STAT3: variants seen among roughly 807,000 people sequenced by gnomAD.
STAT3 encodes the protein signal transducer and activator of transcription 3.
STAT3 carries 7 observed loss-of-function variants against 114.3 expected under a neutral mutation model. That is an observed-to-expected ratio of 0.06 (90% CI 0.03 to 0.11). STAT3 has a LOEUF of 0.11. STAT3 is among the 10% of genes least tolerant of loss of function. The probability of loss-of-function intolerance (pLI) is 1.00; values close to 1 mark genes in which losing one functional copy is unlikely to be tolerated. For missense variants in STAT3, 364 were observed against 960.9 expected (o/e 0.38, Z 8.21); for synonymous variants, 331 against 354.5 (o/e 0.93, Z 0.74).
chr17:42,340,355 CAAA>C (rs10706259), intron 4 of STAT3, among the ~76,000 whole-genome samples: 10 of 117,038 alleles, frequency 8.5e-5, no homozygotes, highest in African/African-American at 6.1e-5. Flanking sequence ...AACTCCATCT[CAAA>C]AAAAAAAAAA....
chr17:42,366,670 C>CAA (rs34003618), intron 1 of STAT3, among the ~76,000 whole-genome samples: 24 of 57,584 alleles, frequency 4.2e-4, no homozygotes, highest in African/African-American at 1.3e-3. Flanking sequence ...GATCCTGTCT[C>CAA]AAAAAAAAAA....
chr17:42,315,490 A>G lies in STAT3; in HGVS notation c.*255T>C. ...TTTCTCCCTCTAGCCACCCCCCGCC[A>G]CATCCCCTGATCATGGGTCTCAGAG... On this transcript the variant is annotated 3_prime_UTR_variant, in exon 24 of 24. Coordinates refer to ENST00000264657, the MANE Select transcript of STAT3 (RefSeq NM_139276.3). The G allele has an allele frequency of 3.4e-6, 2 of 593,702 alleles. No individual in the cohort carries two copies. The highest frequency in any genetic ancestry group is 2.0e-5 in the South Asian group (1 of 49,954). The allele number at this position is 593,702 out of a possible 1,614,324, so 36.8% of individuals were successfully genotyped here.
chr17:42,378,323 G>A (rs1366070381), intron 1 of STAT3, among the ~76,000 whole-genome samples: 1 of 152,066 alleles, frequency 6.6e-6, no homozygotes, highest in African/African-American at 2.4e-5. Context: ...TCGACTCACT[G>A]CAACCTCTGC....
rs552998974 is a variant in STAT3 at position 42,355,785 on chromosome 17, G to A, written c.-23-7246C>T. On this transcript the variant is annotated intron_variant, in intron 1 of 23. Transcript: ENST00000264657. ...GAAACCAAAAGATATATTGAGAAAC[G>A]CAGTCAAGACCACTTACAAAAGGGA... 1.9e-4 allele frequency among the ~76,000 whole-genome samples: 29 copies of A among 152,232 alleles called. No individual in the cohort carries two copies. In the South Asian group the frequency reaches 6.0e-3, roughly 32 times the overall value.
chr17:42,331,595 G>A, intron 10 of STAT3, 64 bp from the exon 11 acceptor site: 4 of 1,350,146 alleles, frequency 3.0e-6, no homozygotes, highest in Non-Finnish European at 4.2e-6. Context: ...TTTTCTTGAA[G>A]AAATGTAAAA....
intron 4 of STAT3, among the ~76,000 whole-genome samples, chr17:42,344,162 C>T (rs2082580775): frequency 1.3e-5 from 2 of 152,172 alleles, no homozygotes; most frequent in African/African-American, 4.8e-5. Context: ...GTTGCTCACG[C>T]CTGTAATCCC....
intron 21 of STAT3, among the ~76,000 whole-genome samples, chr17:42,319,541 CAAAAAAAAAAAAAAA>C (rs552897255): frequency 9.1e-5 from 4 of 43,848 alleles, no homozygotes; most frequent in Non-Finnish European, 1.5e-4. Flanking sequence ...GACTCAGGCT[CAAAAAAAAAAAAAAA>C]AAAAAAAAAA....
chr17:42,344,442 C>T (rs950363195), intron 4 of STAT3, among the ~76,000 whole-genome samples: 2 of 132,530 alleles, frequency 1.5e-5, no homozygotes, highest in African/African-American at 2.9e-5. Flanking sequence ...AAAGGCTGGG[C>T]GTGGTGGCTC....
chr17:42,320,761 CT>C (rs1482942784), intron 21 of STAT3, among the ~76,000 whole-genome samples: 6 of 146,552 alleles, frequency 4.1e-5, no homozygotes, highest in Non-Finnish European at 9.0e-5. Context: ...CCATCATTGG[CT>C]TTATGATTAC....
At position 42,359,656 on chromosome 17, in the gene STAT3, G is replaced by A. The variant is rs375879675; in HGVS notation, c.-23-11117C>T. 1.9e-3 allele frequency among the ~76,000 whole-genome samples: 292 copies of A among 152,262 alleles called. 2 individuals carry two copies. In the South Asian group the frequency reaches 0.03, roughly 15 times the overall value. On this transcript the variant is annotated intron_variant, in intron 1 of 23. Transcript: ENST00000264657. Reference sequence around the variant, plus strand: ...TAGCACTTTTTACAAGAAGCCAGGCGCTGTTTTAAACACTTGACATACTTA... The same window carrying A: ...TAGCACTTTTTACAAGAAGCCAGGCACTGTTTTAAACACTTGACATACTTA...
intron 1 of STAT3, among the ~76,000 whole-genome samples, chr17:42,366,678 A>G (rs1399506843): frequency 6.7e-6 from 1 of 149,942 alleles, no homozygotes; most frequent in African/African-American, 2.4e-5. Flanking sequence ...CTCAAAAAAA[A>G]AAAAAAAAAA....
At position 42,381,255 on chromosome 17, in the gene STAT3, A is replaced by G. The variant is rs759469085; in HGVS notation, c.-24+7024T>C. On this transcript the variant is annotated intron_variant, in intron 1 of 23. Transcript: ENST00000264657. ...CAATCACCTTAGGAATACTCAAAAT[A>G]TAAGTTCTTTGGCTGACGCAGTTAA... 3.7e-4 allele frequency among the ~76,000 whole-genome samples: 57 copies of G among 152,306 alleles called. 1 individual carries two copies. Among genetic ancestry groups the G allele is most frequent in the Middle Eastern group, 3.4e-3 (1 of 294 alleles).
intron 19 of STAT3, 45 bp downstream of exon 19, chr17:42,323,215 G>C: frequency 3.7e-6 from 6 of 1,614,020 alleles, no homozygotes; most frequent in Non-Finnish European, 5.1e-6. Context: ...GGCTTGCTGA[G>C]AGCAGGGGAC....
Position 42,333,618 on chromosome 17 carries a change from C to T in STAT3, c.1049+55G>A. The T allele has an allele frequency of 1.3e-6, 2 of 1,598,464 alleles. No individual in the cohort carries two copies. Among genetic ancestry groups the T allele is most frequent in the Non-Finnish European group, 1.7e-6 (2 of 1,166,678 alleles). ...CCCTGGCCACCAACTCTACCCTCAC[C>T]CTAACAGTGTCCCTCAGTAAAATCT... On this transcript the variant is annotated intron_variant, in intron 10 of 23. Coordinates refer to ENST00000264657, the MANE Select transcript of STAT3 (RefSeq NM_139276.3). This position sits in a 1 kb window ranked among gnomAD's most constrained non-coding sequence, Gnocchi z 5.2.
chr17:42,345,611 C>T lies in STAT3; in HGVS notation c.320G>A (p.Arg107Gln), dbSNP rs749626783. Residue 107 changes from arginine (R) to glutamine (Q), a missense_variant, in exon 4 of 24, where the codon CGG (arginine) becomes CAG (glutamine). Physicochemically the swap from Arg to Gln is conservative, Grantham distance 43. Around this residue, in one of 5 missense-constraint regions of STAT3, gnomAD observed 294 missense variants for 745.1 expected, o/e 0.39. Coordinates refer to ENST00000264657, the MANE Select transcript of STAT3 (RefSeq NM_139276.3). ...KPMEIARIVA[R>Q]CLWEESRLLQ... ...AAGGCGTGATTCTTCCCACAGGCAC[C>T]GGGCCACAATCCGGGCAATCTCCAT... 4 of 1,608,618 alleles carry T rather than the reference C, an allele frequency of 2.5e-6. No individual in the cohort carries two copies. Among genetic ancestry groups the T allele is most frequent in the Non-Finnish European group, 2.5e-6 (3 of 1,176,932 alleles).
At chr17:42,330,375 C>T (rs2081951672) in intron 11 of STAT3, among the ~76,000 whole-genome samples, 1 of 151,834 alleles carries the variant, frequency 6.6e-6, no homozygotes, top group African/African-American at 2.4e-5. Flanking sequence ...CTCAGCCTCC[C>T]AAAGTGCTGA....
At chr17:42,371,859 T>A (rs918769123) in intron 1 of STAT3, among the ~76,000 whole-genome samples, 2 of 151,616 alleles carry the variant, frequency 1.3e-5, no homozygotes, top group African/African-American at 4.8e-5. Context: ...GGCGTGCACC[T>A]GTAATCCCAG....
intron 1 of STAT3, among the ~76,000 whole-genome samples, chr17:42,384,586 ACT>A (rs1192936761): frequency 7.1e-6 from 1 of 140,222 alleles, no homozygotes; most frequent in Non-Finnish European, 1.6e-5. Context: ...ACAGGGTCTC[ACT>A]CTGTCACCCA....
intron 21 of STAT3, among the ~76,000 whole-genome samples, chr17:42,321,508 T>C (rs916325923): frequency 3.3e-5 from 5 of 152,164 alleles, no homozygotes; most frequent in Non-Finnish European, 5.9e-5. Flanking sequence ...ACACTCTAAA[T>C]ACTAATCCCT....
Sources: gnomAD v4.1 joint callset for allele counts (sites outside exome capture counted in the v4.1 genomes callset) on GRCh38, gnomAD v4.1.1 for gene constraint, gnomAD v4.1.1 regional missense constraint, Gnocchi (gnomAD v3.1) non-coding constraint, MANE v1.5 for transcripts, NCBI Gene and HGNC (gene_info 2026-07-23, HGNC 2026-07-21) for gene names.